The following RIC3 variants were observed in gnomAD, a reference collection of about 807,000 sequenced individuals.
The protein encoded by RIC3 is protein RIC-3.
A neutral mutation model predicts 27.3 loss-of-function variants in RIC3; 28 were observed. The observed-to-expected ratio is 1.02, with a 90% CI of 0.76 to 1.41. The LOEUF (loss-of-function observed/expected upper bound fraction) is 1.41. Among genes scored for constraint, RIC3 ranks in the 40% most tolerant of loss-of-function variants. RIC3 has a pLI of 0.00. For synonymous variants in RIC3, 184 were observed against 160.4 expected (o/e 1.15, Z -1.11); for missense variants, 501 against 444.7 (o/e 1.13, Z -1.14).
chr11:8,144,306 C>G (rs1204500980), intron 1 of RIC3, among the ~76,000 whole-genome samples: 1 of 150,832 alleles, frequency 6.6e-6, no homozygotes, highest in East Asian at 1.9e-4. Flanking sequence ...TATCCAGAAT[C>G]TACGATGAAC....
chr11:8,100,410 G>A, the RIC3 span: 1 of 959,934 alleles, frequency 1.0e-6, no homozygotes, highest in Non-Finnish European at 1.6e-6. Context: ...GAGATGGTGG[G>A]AACTAGCTCT....
At position 8,140,093 on chromosome 11, in the gene RIC3, T is replaced by A. The variant is rs764370114; in HGVS notation, c.225A>T (p.Ala75=). The change falls in exon 2 of 6, where the codon GCA becomes GCT. Residue 75 remains alanine, a synonymous_variant. Coordinates refer to ENST00000309737, the MANE Select transcript of RIC3 (RefSeq NM_001206671.4). The stretch of plus-strand genomic sequence containing the variant: ...CACCTGATCCTTTGGCCTTTGCAAA[T>A]GCCTCGGCAAGGTGAGACCTCTGGA... ...ARFQRSHLAE[A]FAKAKGSGGG... is the part of the protein sequence containing the mutation. The A allele has an allele frequency of 5.0e-6, 8 of 1,614,116 alleles. No individual in the cohort carries two copies. In the South Asian group the frequency reaches 8.8e-5, roughly 18 times the overall value.
intron 2 of RIC3, chr11:8,138,655 A>G (rs1180713490): frequency 8.9e-6 from 3 of 338,448 alleles, no homozygotes; most frequent in South Asian, 5.2e-5. Flanking sequence ...CTGTGCTAAC[A>G]TGCTTAGATA....
At chr11:8,167,531 G>T (rs185556480) in intron 1 of RIC3, among the ~76,000 whole-genome samples, 2 of 151,742 alleles carry the variant, frequency 1.3e-5, no homozygotes, top group East Asian at 3.9e-4. Context: ...AGTTCTCAAG[G>T]GAACAACCCA....
chr11:8,168,756 G>C, intron 1 of RIC3, 110 bp downstream of exon 1: 1 of 1,433,036 alleles, frequency 7.0e-7, no homozygotes, highest in Non-Finnish European at 9.3e-7. Flanking sequence ...CAGTCAGTTT[G>C]GTGGATATTT....
intron 5 of RIC3, among the ~76,000 whole-genome samples, chr11:8,118,577 A>C (rs563580830): frequency 2.0e-5 from 3 of 151,084 alleles, no homozygotes; most frequent in Non-Finnish European, 4.4e-5. Flanking sequence ...GCAAGAAAAC[A>C]GCAGATTGGG....
Position 8,122,864 on chromosome 11 carries a change from C to CAAA in RIC3, c.670+3792_670+3794dup, listed in dbSNP as rs55826618. Among the ~76,000 whole-genome samples, 336 of 63,424 alleles carry CAAA rather than the reference C, an allele frequency of 5.3e-3. 5 individuals carry two copies. The highest frequency in any genetic ancestry group is 0.036 in the Admixed American group (180 of 5,006). The allele number at this position is 63,424 out of a possible 152,430, so 41.6% of individuals were successfully genotyped here. On this transcript the variant is annotated intron_variant, in intron 5 of 5. Transcript: ENST00000309737. ...ATCCAATCAAAACCTACCAGGTATGCAAAAAAAAAAAAAAAAAAAAAAGGG... is the reference window on the plus strand; with the variant it reads ...ATCCAATCAAAACCTACCAGGTATGCAAAAAAAAAAAAAAAAAAAAAAAAAGGG...
At chr11:8,118,953 T>C (rs1432839712) in intron 5 of RIC3, among the ~76,000 whole-genome samples, 2 of 151,434 alleles carry the variant, frequency 1.3e-5, no homozygotes, top group African/African-American at 2.4e-5. Flanking sequence ...AGTTGAGGAA[T>C]TCTCCCAGCA....
At position 8,106,677 on chromosome 11, in the gene RIC3, T is replaced by A. The variant is rs1944699540; in HGVS notation, c.*4021A>T. ...AACCCATTTAAACAGGACCTCGAGA[T>A]GCTTAGGAATCTTTTTTTGTTGCCG... On this transcript the variant is annotated 3_prime_UTR_variant, in exon 6 of 6. Coordinates refer to ENST00000309737, the MANE Select transcript of RIC3 (RefSeq NM_001206671.4). 1 of 30,884 alleles carries A rather than the reference T, an allele frequency of 3.2e-5. No homozygotes were observed. Among genetic ancestry groups the A allele is most frequent in the Non-Finnish European group, 5.9e-5 (1 of 17,084 alleles). The allele number at this position is 30,884 out of a possible 1,614,324, so 1.9% of individuals were successfully genotyped here.
At chr11:8,094,040 G>A in the RIC3 span, 9 of 1,614,138 alleles carry the variant, frequency 5.6e-6, no homozygotes, top group Admixed American at 1.7e-5. Flanking sequence ...GATGTTTCCT[G>A]AGCAGTTCAA....
intron 1 of RIC3, among the ~76,000 whole-genome samples, chr11:8,152,201 G>T (rs779686933): frequency 1.1e-4 from 16 of 152,114 alleles, no homozygotes; most frequent in Admixed American, 3.9e-4. Flanking sequence ...TTTCTCAAAA[G>T]GTTAAACATA....
At chr11:8,117,621 T>C (rs1309238640) in intron 5 of RIC3, among the ~76,000 whole-genome samples, 2 of 139,352 alleles carry the variant, frequency 1.4e-5, no homozygotes, top group African/African-American at 5.2e-5. Flanking sequence ...AAGAGATCTA[T>C]TATACATTAT....
downstream of RIC3, chr11:8,102,501 G>T (rs1020093969): frequency 6.6e-6 from 1 of 152,262 alleles, no homozygotes; most frequent in Non-Finnish European, 1.5e-5. Flanking sequence ...CACAAATGGG[G>T]TCCAGGTCAC....
chr11:8,110,588 T>A lies in RIC3; in HGVS notation c.*110A>T. 1.1e-6 allele frequency: 1 copy of A among 951,080 alleles called. No individual in the cohort carries two copies. The highest frequency in any genetic ancestry group is 1.7e-6 in the Non-Finnish European group (1 of 586,868). 58.9% of individuals were successfully genotyped at this position (951,080 alleles called of 1,614,324 possible). On this transcript the variant is annotated 3_prime_UTR_variant, in exon 6 of 6. Transcript: ENST00000309737. ...ATCCATGATAGTGGCCTGATAGCTA[T>A]GACACTTGAACACAGTGAAGAAAGT...
At chr11:8,165,004 TAACA>T (rs1227991726) in intron 1 of RIC3, among the ~76,000 whole-genome samples, 1 of 152,082 alleles carries the variant, frequency 6.6e-6, no homozygotes, top group Admixed American at 6.6e-5. Context: ...AGAAGACAGA[TAACA>T]AACAAGTATT....
At chr11:8,096,794 G>T in the RIC3 span, 6 of 1,614,062 alleles carry the variant, frequency 3.7e-6, no homozygotes, top group Admixed American at 1.7e-5. Flanking sequence ...CTACTAGCAG[G>T]AAGTCCGTCA....
intron 5 of RIC3, among the ~76,000 whole-genome samples, chr11:8,124,580 C>A (rs1283488997): frequency 6.6e-6 from 1 of 151,992 alleles, no homozygotes; most frequent in Non-Finnish European, 1.5e-5. Context: ...CCAAAATAAT[C>A]TTGGGAAAAA....
intron 4 of RIC3, among the ~76,000 whole-genome samples, chr11:8,134,065 A>C (rs2133801801): frequency 6.6e-6 from 1 of 151,916 alleles, no homozygotes; most frequent in Non-Finnish European, 1.5e-5. Flanking sequence ...TTACATACGT[A>C]TACACGTGCC....
the RIC3 span, chr11:8,094,314 G>A: frequency 4.6e-4 from 581 of 1,253,668 alleles, no homozygotes; most frequent in African/African-American, 7.7e-3. Flanking sequence ...GACACAGACT[G>A]CCACTCTGGG....
Sources: gnomAD v4.1 joint callset for allele counts (sites outside exome capture counted in the v4.1 genomes callset) on GRCh38, gnomAD v4.1.1 for gene constraint, MANE v1.5 for transcripts, NCBI Gene and HGNC (gene_info 2026-07-23, HGNC 2026-07-21) for gene names.